The following SEPTIN9 variants were observed in gnomAD, a reference collection of about 807,000 sequenced individuals.
The protein encoded by SEPTIN9 is septin 9.
A neutral mutation model predicts 56.6 loss-of-function variants in SEPTIN9; 13 were observed. The observed-to-expected ratio is 0.23, with a 90% CI of 0.15 to 0.37. The LOEUF is 0.37. Ranked by LOEUF, SEPTIN9 falls within the 10% of genes least tolerant of loss-of-function variation. The pLI is 1.00. For synonymous variants in SEPTIN9, 332 were observed against 334.1 expected (o/e 0.99, Z 0.07); for missense variants, 650 against 823.1 (o/e 0.79, Z 2.57).
chr17:77,354,948 C>T (rs767054098), intron 2 of SEPTIN9, among the ~76,000 whole-genome samples: 2 of 152,030 alleles, frequency 1.3e-5, no homozygotes, highest in African/African-American at 2.4e-5. Flanking sequence ...GTCACTTGCC[C>T]GGGCTCCCCC....
At chr17:77,349,065 A>C (rs2033976611) in intron 2 of SEPTIN9, among the ~76,000 whole-genome samples, 1 of 151,762 alleles carries the variant, frequency 6.6e-6, no homozygotes, top group Non-Finnish European at 1.5e-5. Context: ...TTATCTGCAA[A>C]TCTTTATTTT....
At chr17:77,300,321 TC>T (rs1189241427) in intron 1 of SEPTIN9, among the ~76,000 whole-genome samples, 1 of 142,968 alleles carries the variant, frequency 7.0e-6, no homozygotes, top group Non-Finnish European at 1.6e-5. Flanking sequence ...AGGAGGTTGC[TC>T]CCCTCATGGA....
chr17:77,314,270 A>G (rs866911452), intron 2 of SEPTIN9, among the ~76,000 whole-genome samples: 3 of 148,268 alleles, frequency 2.0e-5, no homozygotes, highest in Admixed American at 6.7e-5. Flanking sequence ...TCTGCCTCCC[A>G]GGTTCAAGTG....
chr17:77,349,765 C>T (rs559277350), intron 2 of SEPTIN9, among the ~76,000 whole-genome samples: 1 of 152,208 alleles, frequency 6.6e-6, no homozygotes, highest in Admixed American at 6.5e-5. Context: ...TTATTTTGTT[C>T]TTTCAAATAT....
At position 77,332,428 on chromosome 17, in the gene SEPTIN9, T is replaced by A. The variant is rs368304089; in HGVS notation, c.76+25231T>A. ...CCACCAGCATCCACGCTGGTTTTGATGCACTTAAAATAAGCTGCAGAAATC... is the reference window on the plus strand; with the variant it reads ...CCACCAGCATCCACGCTGGTTTTGAAGCACTTAAAATAAGCTGCAGAAATC... On this transcript the variant is annotated intron_variant, in intron 2 of 11. Coordinates refer to ENST00000427177, the MANE Select transcript of SEPTIN9 (RefSeq NM_001113491.2). 6.5e-4 allele frequency among the ~76,000 whole-genome samples: 99 copies of A among 152,336 alleles called. 3 individuals are homozygous for A. The South Asian group carries it at 0.014, about 21-fold the overall frequency.
In SEPTIN9 at chr17:77,499,462, C is replaced by G. The variant is rs1367285369; in HGVS notation, c.*804C>G. On this transcript the variant is annotated 3_prime_UTR_variant, in exon 12 of 12. Coordinates refer to ENST00000427177, the MANE Select transcript of SEPTIN9 (RefSeq NM_001113491.2). ...GGATAAAAAGGAAGGAGAGATGACC[C>G]CTACCCCCTCATCCCCCAGTTTTGA... 2 of 523,114 alleles carry G rather than the reference C, an allele frequency of 3.8e-6. No homozygotes were observed. The highest frequency in any genetic ancestry group is 4.6e-5 in the Admixed American group (2 of 43,750). The allele number at this position is 523,114 out of a possible 1,614,324, so 32.4% of individuals were successfully genotyped here. A position where few individuals can be genotyped will look rare whatever the true frequency, so the allele number is the denominator to read the frequency against.
rs997930069 is a variant in SEPTIN9, at chr17:77,314,169, C to CA, written c.76+6983dup. 4.0e-3 allele frequency among the ~76,000 whole-genome samples: 564 copies of CA among 142,250 alleles called. 4 individuals carry two copies. Among genetic ancestry groups the CA allele is most frequent in the African/African-American group, 0.014 (521 of 38,524 alleles). 93.3% of individuals were successfully genotyped at this position (142,250 alleles called of 152,430 possible). ...GGGCAAAGGGAGTAAGGCCCTGTTT[C>CA]AAAAAAAAAAATTTTTTTTTTTTTT... On this transcript the variant is annotated intron_variant, in intron 2 of 11. Transcript: ENST00000427177.
rs62079552 is a variant in SEPTIN9, at chr17:77,319,476, C to T, written c.76+12279C>T. 0.022 allele frequency: 19,245 copies of T among 894,826 alleles called. 243 individuals are homozygous for T. Among genetic ancestry groups the T allele is most frequent in the South Asian group, 0.036 (681 of 18,922 alleles). 55.4% of individuals were successfully genotyped at this position (894,826 alleles called of 1,614,324 possible). ...TGGTAGGAATCTTCCAGGAAGTCCC[C>T]GTCCCGTTCGCCCTCTCTGCCTGGG... On this transcript the variant is annotated intron_variant, in intron 2 of 11. Coordinates refer to ENST00000427177, the MANE Select transcript of SEPTIN9 (RefSeq NM_001113491.2). This position sits in a 1 kb window ranked among gnomAD's most constrained non-coding sequence, Gnocchi z 5.3.
chr17:77,328,511 G>A (rs1471846825), intron 2 of SEPTIN9, among the ~76,000 whole-genome samples: 6 of 152,154 alleles, frequency 3.9e-5, no homozygotes, highest in African/African-American at 1.4e-4. Flanking sequence ...GATGACAGGC[G>A]TCCGCCACCA....
chr17:77,292,490 T>G (rs1375372769), intron 1 of SEPTIN9, among the ~76,000 whole-genome samples: 1 of 139,948 alleles, frequency 7.1e-6, no homozygotes, highest in African/African-American at 2.8e-5. Context: ...CAGTTTTTTG[T>G]TTTTTTTTTT....
At chr17:77,466,895 G>A (rs1055284207) in intron 3 of SEPTIN9, among the ~76,000 whole-genome samples, 49 of 152,152 alleles carry the variant, frequency 3.2e-4, no homozygotes, top group Non-Finnish European at 6.2e-4. Flanking sequence ...CAGCCCTGGG[G>A]TCAGTGTTCC....
intron 3 of SEPTIN9, among the ~76,000 whole-genome samples, chr17:77,403,123 A>G (rs2035958343): frequency 6.6e-6 from 1 of 152,142 alleles, no homozygotes; most frequent in Admixed American, 6.5e-5. Flanking sequence ...GGGCTGTCAC[A>G]TTCTGGTGGC....
At chr17:77,407,682 G>T (rs74000233) in intron 3 of SEPTIN9, among the ~76,000 whole-genome samples, 4,095 of 152,286 alleles carry the variant, frequency 0.027, 177 homozygotes, top group African/African-American at 0.091. Flanking sequence ...CCGCCCCAGG[G>T]CCTGGTGAGG....
intron 2 of SEPTIN9, among the ~76,000 whole-genome samples, chr17:77,316,445 T>G (rs1470699102): frequency 6.6e-6 from 1 of 152,236 alleles, no homozygotes; most frequent in Non-Finnish European, 1.5e-5. Flanking sequence ...CAAACCATGC[T>G]GGGTAAAACT....
intron 3 of SEPTIN9, among the ~76,000 whole-genome samples, chr17:77,452,161 C>A (rs2038001142): frequency 6.6e-6 from 1 of 152,162 alleles, no homozygotes; most frequent in Non-Finnish European, 1.5e-5. Context: ...GGCTGGTCTG[C>A]GTGTGCTTTG....
In SEPTIN9 at chr17:77,405,607, C is replaced by T. The variant is rs1269306492; in HGVS notation, c.721+2904C>T. 6.6e-6 allele frequency among the ~76,000 whole-genome samples: 1 copy of T among 152,038 alleles called. No homozygotes were observed. Among genetic ancestry groups the T allele is most frequent in the African/African-American group, 2.4e-5 (1 of 41,370 alleles). On this transcript the variant is annotated intron_variant, in intron 3 of 11. Coordinates refer to ENST00000427177, the MANE Select transcript of SEPTIN9 (RefSeq NM_001113491.2). This position sits in a 1 kb window ranked among gnomAD's most constrained non-coding sequence, Gnocchi z 5.8. The stretch of plus-strand genomic sequence containing the variant: ...ACAGTCCTGAGGGCCTAAGCAAGTC[C>T]AGGTGGAGGAAATGCAGGGACAGAC...
chr17:77,426,244 C>T (rs1416685961), intron 3 of SEPTIN9, among the ~76,000 whole-genome samples: 1 of 152,054 alleles, frequency 6.6e-6, no homozygotes, highest in African/African-American at 2.4e-5. Context: ...CCTACACAGT[C>T]CCCTGTGGTT....
intron 2 of SEPTIN9, among the ~76,000 whole-genome samples, chr17:77,398,847 G>C (rs2627201): frequency 0.016 from 2,458 of 152,286 alleles, 90 homozygotes; most frequent in East Asian, 0.16. Context: ...AGCTTACTGA[G>C]AGCTAGTGGG....
intron 3 of SEPTIN9, among the ~76,000 whole-genome samples, chr17:77,466,871 C>T (rs379902): frequency 0.098 from 14,906 of 152,126 alleles, 1,885 homozygotes; most frequent in African/African-American, 0.29. Flanking sequence ...GTAGAGTGCA[C>T]GCACAGCACC....
Sources: allele counts gnomAD v4.1 joint callset (sites outside exome capture counted in the v4.1 genomes callset), GRCh38; gene constraint gnomAD v4.1.1; non-coding constraint Gnocchi (gnomAD v3.1); transcripts MANE v1.5; gene names NCBI Gene and HGNC (gene_info 2026-07-23, HGNC 2026-07-21).